The following MTERF4 variants were observed in gnomAD, a reference collection of about 807,000 sequenced individuals.
MTERF4 encodes the protein transcription termination factor 4, mitochondrial.
In MTERF4, 17 loss-of-function variants were observed where a neutral mutation model predicts 22.5. The observed-to-expected ratio is 0.75, with a 90% CI of 0.52 to 1.13. The LOEUF (loss-of-function observed/expected upper bound fraction) is 1.13. MTERF4 is among the 50% of genes most tolerant of loss of function. MTERF4 has a pLI of 0.00. For missense variants in MTERF4, 420 were observed against 466.8 expected, an observed-to-expected ratio of 0.90 and a Z score of 0.92; for synonymous variants, 165 against 175.3, an observed-to-expected ratio of 0.94 and a Z score of 0.47.
intron 4 of MTERF4, among the ~76,000 whole-genome samples, chr2:241,077,596 G>A (rs2063090314): frequency 6.6e-6 from 1 of 151,962 alleles, no homozygotes; most frequent in Non-Finnish European, 1.5e-5. Context: ...TCAGACATGG[G>A]CAAATCATAC....
chr2:241,051,055 C>T, the MTERF4 span, among the ~76,000 whole-genome samples: 820 of 152,316 alleles, frequency 5.4e-3, 6 homozygotes, highest in African/African-American at 0.012. The surrounding 1 kb of genome is among the most constrained non-coding windows in gnomAD (Gnocchi z 4.7). Flanking sequence ...AGAGCTTGGA[C>T]CTGCAGCGTG....
the MTERF4 span, chr2:241,052,036 T>C: frequency 1.9e-6 from 3 of 1,612,486 alleles, no homozygotes; most frequent in Non-Finnish European, 2.5e-6. Context: ...GGCTTCTGTT[T>C]CCAGGGAAGC....
At chr2:241,060,245 C>G in the MTERF4 span, among the ~76,000 whole-genome samples, 1 of 151,136 alleles carries the variant, frequency 6.6e-6, no homozygotes, top group South Asian at 2.1e-4. Context: ...TGCAGTGGCA[C>G]AATCTCGGCT....
downstream of MTERF4, among the ~76,000 whole-genome samples, chr2:241,083,574 G>A (rs1452239567): frequency 6.6e-6 from 1 of 152,104 alleles, no homozygotes; most frequent in Non-Finnish European, 1.5e-5. Flanking sequence ...GTTGGGATTT[G>A]GGAAGCCGTG....
At chr2:241,051,310 C>T in the MTERF4 span, 39,808 of 162,468 alleles carry the variant, frequency 0.25, 5,297 homozygotes, top group Middle Eastern at 0.34. This position sits in a 1 kb window ranked among gnomAD's most constrained non-coding sequence, Gnocchi z 4.7. Context: ...TGTGGCAATG[C>T]CAATGCAGGT....
At chr2:241,055,364 T>C in the MTERF4 span, among the ~76,000 whole-genome samples, 1 of 151,930 alleles carries the variant, frequency 6.6e-6, no homozygotes, top group Non-Finnish European at 1.5e-5. Flanking sequence ...ACAGAAAAAG[T>C]TTTAACTTCC....
chr2:241,064,165 C>T, the MTERF4 span: 1 of 1,388,866 alleles, frequency 7.2e-7, no homozygotes. This position sits in a 1 kb window ranked among gnomAD's most constrained non-coding sequence, Gnocchi z 7.0. Context: ...CCTCTGCCCG[C>T]CTGCTCCCCG....
chr2:241,052,204 C>G, the MTERF4 span: 1 of 1,549,092 alleles, frequency 6.5e-7, no homozygotes, highest in Non-Finnish European at 8.9e-7. Flanking sequence ...GGTGAACCCT[C>G]TCTGCAGATG....
the MTERF4 span, among the ~76,000 whole-genome samples, chr2:241,058,999 G>GA: frequency 2.0e-5 from 3 of 151,684 alleles, no homozygotes; most frequent in African/African-American, 7.3e-5. Flanking sequence ...GACTGATCAG[G>GA]AAAAAAAGAG....
At chr2:241,089,407 A>G, downstream of MTERF4, 1 of 1,550,462 alleles carries the variant, frequency 6.4e-7, no homozygotes, top group East Asian at 2.4e-5. Flanking sequence ...AACCTTTAAA[A>G]ACAAACAGAA....
At chr2:241,066,059 C>A in the MTERF4 span, among the ~76,000 whole-genome samples, 1 of 152,072 alleles carries the variant, frequency 6.6e-6, no homozygotes, top group African/African-American at 2.4e-5. Context: ...GGGGAGGCAT[C>A]GGTGGCTCAA....
chr2:241,050,697 G>A, the MTERF4 span, among the ~76,000 whole-genome samples: 1 of 152,212 alleles, frequency 6.6e-6, no homozygotes, highest in Non-Finnish European at 1.5e-5. Flanking sequence ...TTCTTTGCAA[G>A]CTCTGACGAG....
the MTERF4 span, among the ~76,000 whole-genome samples, chr2:241,050,534 G>T: frequency 9.7e-3 from 1,473 of 152,238 alleles, 18 homozygotes; most frequent in Middle Eastern, 0.075. Context: ...CCCGCAGCCT[G>T]GACTGGTGTG....
downstream of MTERF4, chr2:241,071,959 A>G (rs1476757769): frequency 2.6e-6 from 3 of 1,151,354 alleles, no homozygotes; most frequent in Non-Finnish European, 3.8e-6. Context: ...TGTCCCCTAC[A>G]TGATGAGCCC....
chr2:241,061,605 T>A, the MTERF4 span, among the ~76,000 whole-genome samples: 3 of 152,142 alleles, frequency 2.0e-5, no homozygotes, highest in Admixed American at 2.0e-4. Context: ...GCAAAAAGTC[T>A]AGGCTGGGCG....
At chr2:241,043,970 A>G in the MTERF4 span, among the ~76,000 whole-genome samples, 1 of 152,274 alleles carries the variant, frequency 6.6e-6, no homozygotes, top group East Asian at 1.9e-4. Flanking sequence ...AGGTCCCTAT[A>G]TTACATAAAG....
chr2:241,102,104 G>T lies in MTERF4; in HGVS notation c.21+149C>A, dbSNP rs550549821. 41 of 1,044,154 alleles carry T rather than the reference G, an allele frequency of 3.9e-5. No individual in the cohort carries two copies. In the African/African-American group the frequency reaches 5.9e-4, roughly 15 times the overall value. 64.7% of individuals were successfully genotyped at this position (1,044,154 alleles called of 1,614,324 possible). On this transcript the variant is annotated intron_variant, in intron 1 of 3. Transcript: ENST00000391980. ...CCACAATAATTGAGCAGAGCCACGG[G>T]TCCAGGATGCCAAAACCAGGTCAGC...
At chr2:241,087,180 A>G (rs1373734980), downstream of MTERF4, 2 of 549,308 alleles carry the variant, frequency 3.6e-6, no homozygotes, top group Admixed American at 3.6e-5. Flanking sequence ...TATTTTATGC[A>G]TATTACTGTA....
At position 241,097,414 on chromosome 2, in the gene MTERF4, C is replaced by A. The variant is rs1559338810; in HGVS notation, c.534G>T (p.Arg178Ser). Residue 178 changes from arginine (R) to serine (S), a missense_variant, in exon 3 of 4, where the codon AGG (arginine) becomes AGT (serine). Arg to Ser is a moderately radical substitution (Grantham distance 110). Coordinates refer to ENST00000391980, the MANE Select transcript of MTERF4 (RefSeq NM_182501.4). Reference sequence around the variant, plus strand: ...AAATTTCAGGGCAACAGTAAAGCACCCTCTTTAATTTCCCTGCAGAACATT... The same window carrying A: ...AAATTTCAGGGCAACAGTAAAGCACACTCTTTAATTTCCCTGCAGAACATT... ...KLGLGEGKLK[R>S]VLYCCPEIFT... 2.5e-6 allele frequency: 4 copies of A among 1,613,224 alleles called. No homozygotes were observed. Among genetic ancestry groups the A allele is most frequent in the Non-Finnish European group, 2.5e-6 (3 of 1,179,464 alleles).
Sources: allele counts gnomAD v4.1 joint callset (sites outside exome capture counted in the v4.1 genomes callset), GRCh38; gene constraint gnomAD v4.1.1; non-coding constraint Gnocchi (gnomAD v3.1); transcripts MANE v1.5; gene names NCBI Gene and HGNC (gene_info 2026-07-23, HGNC 2026-07-21).